The following KIAA0825 variants were observed in gnomAD, a reference collection of about 807,000 sequenced individuals.
KIAA0825 encodes the protein uncharacterized protein KIAA0825.
A neutral mutation model predicts 147.6 loss-of-function variants in KIAA0825; 119 were observed. The ratio of observed to expected loss-of-function variants is 0.81; its 90% CI spans 0.69 to 0.94. KIAA0825 has a LOEUF of 0.94. Among genes scored for constraint, KIAA0825 ranks in the 40% least tolerant of loss-of-function variants. KIAA0825 has a pLI of 0.00. For synonymous variants in KIAA0825, 470 were observed against 518.1 expected (o/e 0.91, Z 1.26); for missense variants, 1,381 against 1,472.7 (o/e 0.94, Z 1.02).
At chr5:94,291,656 A>G (rs938578689) in intron 20 of KIAA0825, among the ~76,000 whole-genome samples, 14 of 152,200 alleles carry the variant, frequency 9.2e-5, no homozygotes, top group African/African-American at 3.1e-4. Context: ...AAGAAAGTCA[A>G]TGGTAGCTTG....
At chr5:94,218,093 A>G (rs1773360364) in intron 20 of KIAA0825, among the ~76,000 whole-genome samples, 1 of 152,186 alleles carries the variant, frequency 6.6e-6, no homozygotes, top group Admixed American at 6.5e-5. Flanking sequence ...AGTAACTCCA[A>G]AGTTAGTAAA....
chr5:94,406,139 A>T (rs1752034904), intron 15 of KIAA0825, among the ~76,000 whole-genome samples: 1 of 151,962 alleles, frequency 6.6e-6, no homozygotes, highest in Non-Finnish European at 1.5e-5. Flanking sequence ...GTTGGCAAGG[A>T]TGGTCTCAAT....
chr5:94,474,437 T>C (rs1237645907), intron 7 of KIAA0825, among the ~76,000 whole-genome samples: 3 of 152,200 alleles, frequency 2.0e-5, no homozygotes, highest in African/African-American at 7.2e-5. Context: ...CTGAGCTCCA[T>C]GTCCCTGACT....
intron 12 of KIAA0825, among the ~76,000 whole-genome samples, chr5:94,462,144 T>C (rs1759913433): frequency 6.6e-6 from 1 of 151,932 alleles, no homozygotes. Flanking sequence ...ATTAGAACTT[T>C]ATCAGCTGAA....
intron 6 of KIAA0825, among the ~76,000 whole-genome samples, chr5:94,482,113 A>G (rs1190294966): frequency 2.6e-5 from 4 of 152,040 alleles, no homozygotes; most frequent in Non-Finnish European, 4.4e-5. Flanking sequence ...ATCATGACCA[A>G]ACAAAAGCAA....
At chr5:94,507,710 A>C (rs1479286353) in intron 5 of KIAA0825, among the ~76,000 whole-genome samples, 7 of 152,134 alleles carry the variant, frequency 4.6e-5, no homozygotes, top group African/African-American at 1.7e-4. Context: ...AAAAAGGAAA[A>C]GCCTAAGATC....
At chr5:94,546,818 C>G (rs1448455472) in intron 2 of KIAA0825, among the ~76,000 whole-genome samples, 1 of 127,234 alleles carries the variant, frequency 7.9e-6, no homozygotes, top group Non-Finnish European at 1.7e-5. Flanking sequence ...AAAAAAAAAT[C>G]CGCAAGCATC....
intron 1 of KIAA0825, among the ~76,000 whole-genome samples, chr5:94,591,703 T>G (rs1784386050): frequency 6.6e-6 from 1 of 152,208 alleles, no homozygotes. Flanking sequence ...AGAGACTGTA[T>G]TAGTGCATTT....
intron 5 of KIAA0825, among the ~76,000 whole-genome samples, chr5:94,509,772 G>A (rs1766225384): frequency 1.3e-5 from 2 of 152,152 alleles, no homozygotes; most frequent in Non-Finnish European, 2.9e-5. Context: ...AAGAGGCTGT[G>A]ATTGCTGCAT....
intron 2 of KIAA0825, among the ~76,000 whole-genome samples, chr5:94,579,573 G>T (rs947360703): frequency 6.6e-6 from 1 of 152,188 alleles, no homozygotes; most frequent in Non-Finnish European, 1.5e-5. Context: ...ACGTAAGTTA[G>T]AACCACTACC....
At chr5:94,370,122 A>G (rs1746459014) in intron 20 of KIAA0825, among the ~76,000 whole-genome samples, 1 of 152,176 alleles carries the variant, frequency 6.6e-6, no homozygotes, top group Non-Finnish European at 1.5e-5. Flanking sequence ...AGATCAAAAA[A>G]CTGTGGTACA....
chr5:94,591,814 T>C (rs1313965683), intron 1 of KIAA0825, among the ~76,000 whole-genome samples: 1 of 152,098 alleles, frequency 6.6e-6, no homozygotes, highest in Admixed American at 6.5e-5. Flanking sequence ...CTCACAACCA[T>C]GGCGGAAGGT....
Position 94,503,077 on chromosome 5 carries a change from TATATATATATG to T in KIAA0825, c.970+17160_970+17170del, listed in dbSNP as rs1562565880. Among the ~76,000 whole-genome samples the T allele has an allele frequency of 9.0e-5, 13 of 144,306 alleles. No homozygotes were observed. The East Asian group carries it at 1.8e-3, about 20-fold the overall frequency. 94.7% of individuals were successfully genotyped at this position (144,306 alleles called of 152,430 possible). On this transcript the variant is annotated intron_variant, in intron 5 of 20. Coordinates refer to ENST00000682413, the MANE Select transcript of KIAA0825 (RefSeq NM_001145678.3). ...TGAGACTCCATCTCAAAAAAAAATA[TATATATATATG>T]ATATATATATATATAAAATTAGCAT...
intron 20 of KIAA0825, among the ~76,000 whole-genome samples, chr5:94,228,485 C>A (rs774711503): frequency 6.6e-6 from 1 of 152,172 alleles, no homozygotes; most frequent in Non-Finnish European, 1.5e-5. Flanking sequence ...CCTCCCACCT[C>A]CTGTTCCTCC....
chr5:94,512,402 T>C (rs1024232107), intron 5 of KIAA0825, among the ~76,000 whole-genome samples: 1 of 152,082 alleles, frequency 6.6e-6, no homozygotes, highest in African/African-American at 2.4e-5. Flanking sequence ...TAGGGATTAA[T>C]TGCTTATAAA....
At chr5:94,244,038 G>A (rs1775483712) in intron 20 of KIAA0825, among the ~76,000 whole-genome samples, 1 of 152,148 alleles carries the variant, frequency 6.6e-6, no homozygotes, top group South Asian at 2.1e-4. Context: ...TGGTGACCAT[G>A]CCACTTGTCT....
At chr5:94,247,198 T>G (rs1342415873) in intron 20 of KIAA0825, among the ~76,000 whole-genome samples, 1 of 152,144 alleles carries the variant, frequency 6.6e-6, no homozygotes, top group Non-Finnish European at 1.5e-5. Flanking sequence ...GTATTTTGTC[T>G]CTAAAAGTTA....
intron 20 of KIAA0825, among the ~76,000 whole-genome samples, chr5:94,282,576 A>T (rs1015301814): frequency 3.3e-5 from 5 of 152,130 alleles, no homozygotes; most frequent in African/African-American, 1.2e-4. Flanking sequence ...ATGAACTAAA[A>T]AATTCTATAT....
chr5:94,190,571 T>A (rs1338948813), intron 20 of KIAA0825, among the ~76,000 whole-genome samples: 1 of 150,780 alleles, frequency 6.6e-6, no homozygotes, highest in Non-Finnish European at 1.5e-5. Flanking sequence ...TTATTACTGA[T>A]CTTTGAGTAT....
Sources: gnomAD v4.1 joint callset for allele counts (sites outside exome capture counted in the v4.1 genomes callset) on GRCh38, gnomAD v4.1.1 for gene constraint, MANE v1.5 for transcripts, NCBI Gene and HGNC (gene_info 2026-07-23, HGNC 2026-07-21) for gene names.